Variants in IMPG2 observed in about 807,000 individuals in gnomAD.
IMPG2 encodes the protein IPM 200.
In IMPG2, 91 loss-of-function variants were observed where a neutral mutation model predicts 129.2. The ratio of observed to expected loss-of-function variants is 0.70; its 90% CI spans 0.59 to 0.84. The LOEUF is 0.84. Among genes scored for constraint, IMPG2 ranks in the 40% least tolerant of loss-of-function variants. The pLI is 0.00. For synonymous variants in IMPG2, 510 were observed against 517.7 expected (o/e 0.99, Z 0.20); for missense variants, 1,430 against 1,461.7 (o/e 0.98, Z 0.35).
intron 2 of IMPG2, among the ~76,000 whole-genome samples, chr3:101,308,496 T>A (rs1358616204): frequency 6.6e-6 from 1 of 152,256 alleles, no homozygotes; most frequent in Non-Finnish European, 1.5e-5. Context: ...TTGCACCCTC[T>A]GAAGCAACAG....
chr3:101,229,222 T>C (rs1706255808), intron 17 of IMPG2, among the ~76,000 whole-genome samples, 158 bp downstream of exon 17: 1 of 151,450 alleles, frequency 6.6e-6, no homozygotes, highest in Non-Finnish European at 1.5e-5. Context: ...GACTAGGAGA[T>C]ACGAGGTAAA....
At chr3:101,311,179 T>TATA (rs1553686440) in intron 2 of IMPG2, among the ~76,000 whole-genome samples, 1 of 142,800 alleles carries the variant, frequency 7.0e-6, no homozygotes, top group Non-Finnish European at 1.5e-5. Flanking sequence ...TACAACTAGG[T>TATA]AAAAAAAAAA....
intron 10 of IMPG2, among the ~76,000 whole-genome samples, chr3:101,256,743 C>T (rs930203911): frequency 6.6e-6 from 1 of 152,094 alleles, no homozygotes; most frequent in Admixed American, 6.6e-5. Flanking sequence ...GTACTTCTCC[C>T]ATGCTGTCAC....
At chr3:101,240,738 C>T (rs1250643165) in intron 14 of IMPG2, among the ~76,000 whole-genome samples, 1 of 152,196 alleles carries the variant, frequency 6.6e-6, no homozygotes, top group Non-Finnish European at 1.5e-5. Context: ...CCTTAGAGAA[C>T]TCAAGTGGTA....
Position 101,226,258 on chromosome 3 carries a change from T to C in IMPG2, c.*711A>G, listed in dbSNP as rs1706222457. ...ATATATATATATATATATATATATA[T>C]ATATATATATATATATATATATGCA... On this transcript the variant is annotated 3_prime_UTR_variant, in exon 19 of 19. Transcript: ENST00000193391. 3.4e-5 allele frequency: 1 copy of C among 29,744 alleles called. No individual in the cohort carries two copies. The highest frequency in any genetic ancestry group is 9.3e-5 in the African/African-American group (1 of 10,724). The allele number at this position is 29,744 out of a possible 1,614,324, so 1.8% of individuals were successfully genotyped here. A position where few individuals can be genotyped will look rare whatever the true frequency, so the allele number is the denominator to read the frequency against.
At position 101,261,646 on chromosome 3, in the gene IMPG2, G is replaced by T. The variant is rs1469172641; in HGVS notation, c.909-3873C>A. On this transcript the variant is annotated intron_variant, in intron 9 of 18. Transcript: ENST00000193391. ...TGTTATAATTTGTTACCATGTTTTT[G>T]TTCTGGAAAGGGAACTCAAATAAGT... Among the ~76,000 whole-genome samples the T allele has an allele frequency of 2.0e-5, 3 of 152,040 alleles. No individual in the cohort carries two copies. In the South Asian group the frequency reaches 6.2e-4, roughly 31 times the overall value.
intron 18 of IMPG2, 95 bp downstream of exon 18, chr3:101,228,702 G>A: frequency 2.0e-6 from 2 of 976,610 alleles, no homozygotes; most frequent in Non-Finnish European, 3.3e-6. Flanking sequence ...CCTGTCACAT[G>A]GACAGGAAAT....
chr3:101,275,909 C>T (rs552127855), intron 5 of IMPG2, among the ~76,000 whole-genome samples, 164 bp from the exon 6 acceptor site: 1 of 152,142 alleles, frequency 6.6e-6, no homozygotes, highest in Non-Finnish European at 1.5e-5. Flanking sequence ...TTGTATGGAG[C>T]CTTCTCAGAA....
intron 9 of IMPG2, among the ~76,000 whole-genome samples, chr3:101,264,631 A>T (rs1706703399): frequency 6.6e-6 from 1 of 152,110 alleles, no homozygotes; most frequent in South Asian, 2.1e-4. Context: ...TCCTCCAAGA[A>T]CTGGAACAAG....
chr3:101,254,013 C>T (rs1231129660), intron 10 of IMPG2, among the ~76,000 whole-genome samples: 3 of 152,098 alleles, frequency 2.0e-5, no homozygotes, highest in Non-Finnish European at 4.4e-5. Context: ...TTCCCATTAT[C>T]ACATTTAGGA....
intron 8 of IMPG2, 73 bp from the exon 9 acceptor site, chr3:101,267,604 A>G: frequency 3.3e-6 from 4 of 1,230,094 alleles, no homozygotes; most frequent in Non-Finnish European, 4.8e-6. Flanking sequence ...ATCAAAGTGC[A>G]AGTTATTCAT....
chr3:101,299,064 T>G (rs1707113060), intron 3 of IMPG2, among the ~76,000 whole-genome samples: 1 of 152,238 alleles, frequency 6.6e-6, no homozygotes, highest in Admixed American at 6.5e-5. Context: ...TTTTTTTACA[T>G]AGTCCCATAT....
rs1262882670 is a variant in IMPG2, at chr3:101,223,326, G to GA, written c.*3642dup. 1 of 152,040 alleles carries GA rather than the reference G, an allele frequency of 6.6e-6. No individual in the cohort carries two copies. The highest frequency in any genetic ancestry group is 1.5e-5 in the Non-Finnish European group (1 of 67,988). The allele number at this position is 152,040 out of a possible 1,614,324, so 9.4% of individuals were successfully genotyped here. On this transcript the variant is annotated 3_prime_UTR_variant, in exon 19 of 19. Transcript: ENST00000193391. ...ACTGGGAATTGTTAGAAATGTTTTA[G>GA]AAAAAAATAAAACAAAACAACCCGT...
chr3:101,281,408 T>C (rs1706891403), intron 4 of IMPG2, among the ~76,000 whole-genome samples: 2 of 152,168 alleles, frequency 1.3e-5, no homozygotes, highest in Admixed American at 6.5e-5. Context: ...GGCAGAGGTT[T>C]CTAAGAGGAA....
chr3:101,310,546 T>G (rs1707252770), intron 2 of IMPG2, among the ~76,000 whole-genome samples: 1 of 134,758 alleles, frequency 7.4e-6, no homozygotes, highest in African/African-American at 3.1e-5. Context: ...GGTGACAAAG[T>G]GAGACCCTGT....
intron 11 of IMPG2, among the ~76,000 whole-genome samples, chr3:101,253,439 G>A (rs1482287177): frequency 6.6e-6 from 1 of 152,180 alleles, no homozygotes; most frequent in East Asian, 1.9e-4. Flanking sequence ...GAACAAGTAG[G>A]AACCATAAAT....
chr3:101,267,659 G>T, intron 8 of IMPG2, 128 bp from the exon 9 acceptor site: 2 of 781,384 alleles, frequency 2.6e-6, no homozygotes, highest in Non-Finnish European at 4.3e-6. Flanking sequence ...AAATAAAAAT[G>T]CTGACAAATT....
intron 3 of IMPG2, among the ~76,000 whole-genome samples, chr3:101,301,502 C>G (rs187355873): frequency 1.3e-5 from 2 of 152,364 alleles, no homozygotes; most frequent in East Asian, 3.9e-4. Flanking sequence ...AGACCCCTAT[C>G]CTTGGCTTCA....
chr3:101,229,281 C>T, intron 17 of IMPG2, 99 bp downstream of exon 17: 1 of 1,005,646 alleles, frequency 9.9e-7, no homozygotes. Flanking sequence ...CATGTGCATG[C>T]ACACATACAC....
Sources: gnomAD v4.1 joint callset for allele counts (sites outside exome capture counted in the v4.1 genomes callset) on GRCh38, gnomAD v4.1.1 for gene constraint, MANE v1.5 for transcripts, NCBI Gene and HGNC (gene_info 2026-07-23, HGNC 2026-07-21) for gene names.